The following MGAT4C variants were observed in gnomAD, a reference collection of about 807,000 sequenced individuals.
MGAT4C encodes MGAT4 family member C.
In MGAT4C, 19 loss-of-function variants were observed where a neutral mutation model predicts 40.1. The ratio of observed to expected loss-of-function variants is 0.47; its 90% CI spans 0.33 to 0.70. MGAT4C has a LOEUF of 0.70. Ranked by LOEUF, MGAT4C falls within the 30% of genes least tolerant of loss-of-function variation. The pLI, the probability that MGAT4C is intolerant of heterozygous loss-of-function variation, is 0.02. For synonymous variants in MGAT4C, 181 were observed against 187.1 expected (o/e 0.97, Z 0.27); for missense variants, 491 against 563.2 (o/e 0.87, Z 1.30).
rs5799763 is a variant in MGAT4C at position 85,957,657 on chromosome 12, C to CAAAAAAAAAAAAAAAAAGA, written c.*21631_*21632insTCTTTTTTTTTTTTTTTTT. 4.9e-5 allele frequency: 5 copies of CAAAAAAAAAAAAAAAAAGA among 101,250 alleles called. No individual in the cohort carries two copies. Among genetic ancestry groups the CAAAAAAAAAAAAAAAAAGA allele is most frequent in the Admixed American group, 1.1e-4 (1 of 9,394 alleles). The allele number at this position is 101,250 out of a possible 1,614,324, so 6.3% of individuals were successfully genotyped here. A position where few individuals can be genotyped will look rare whatever the true frequency, so the allele number is the denominator to read the frequency against. ...TTTACTGTAGAGTTGAATAAGAAAG[C>CAAAAAAAAAAAAAAAAAGA]AAAAAAAAAAAAAAAAGAAAAAAGA... On this transcript the variant is annotated 3_prime_UTR_variant, in exon 5 of 5. Coordinates refer to ENST00000611864, the MANE Select transcript of MGAT4C (RefSeq NM_001351288.2).
intron 1 of MGAT4C, among the ~76,000 whole-genome samples, chr12:86,815,729 A>G (rs985371813): frequency 2.0e-5 from 3 of 151,734 alleles, no homozygotes; most frequent in African/African-American, 7.2e-5. Flanking sequence ...GGGATTGGAG[A>G]CTATTACTCT....
chr12:86,376,454 A>AT (rs1955824099), intron 3 of MGAT4C, among the ~76,000 whole-genome samples: 1 of 152,058 alleles, frequency 6.6e-6, no homozygotes, highest in Non-Finnish European at 1.5e-5. Context: ...ATGAAATACA[A>AT]TTTTTTAGTC....
intron 1 of MGAT4C, among the ~76,000 whole-genome samples, chr12:86,807,114 T>C (rs1051086160): frequency 6.6e-6 from 1 of 152,024 alleles, no homozygotes; most frequent in Admixed American, 6.6e-5. Context: ...GTGGATATTA[T>C]TTAGTTTTTA....
rs201152383 is a variant in MGAT4C at position 86,419,138 on chromosome 12, A to C, written c.-120+16019T>G. On this transcript the variant is annotated intron_variant, in intron 3 of 7. Transcript: ENST00000548651. The stretch of plus-strand genomic sequence containing the variant: ...AAATATAACATTATTTCTCCCTCCA[A>C]CTTTTAAAATTTCATGATCTGTTAT... Among the ~76,000 whole-genome samples the C allele has an allele frequency of 4.6e-5, 7 of 152,206 alleles. No individual in the cohort carries two copies. In the East Asian group the frequency reaches 1.4e-3, roughly 29 times the overall value.
At chr12:86,004,707 T>C (rs1391094703) in intron 2 of MGAT4C, among the ~76,000 whole-genome samples, 1 of 152,192 alleles carries the variant, frequency 6.6e-6, no homozygotes, top group Non-Finnish European at 1.5e-5. Flanking sequence ...TGACAGTTTG[T>C]TGGTTCTTAA....
intron 4 of MGAT4C, among the ~76,000 whole-genome samples, chr12:86,297,554 C>T (rs1953711394): frequency 6.6e-6 from 1 of 152,066 alleles, no homozygotes; most frequent in Non-Finnish European, 1.5e-5. Context: ...TGAGTGTAGA[C>T]TTTCCAAATC....
intron 2 of MGAT4C, among the ~76,000 whole-genome samples, chr12:86,486,837 C>T (rs894577783): frequency 1.3e-4 from 20 of 152,128 alleles, no homozygotes; most frequent in Admixed American, 3.3e-4. Flanking sequence ...AGTGTTTTAA[C>T]GTCAGTCTGT....
In MGAT4C at chr12:86,466,642, C is replaced by G. The variant is rs150921878; in HGVS notation, c.-228-31377G>C. On this transcript the variant is annotated intron_variant, in intron 2 of 7. Coordinates refer to the MGAT4C transcript ENST00000548651. Reference sequence around the variant, plus strand: ...AGATGTCATCAAATATTTGTCTAAACCCAGAATATGCAACACAAAGTCAGA... The same window carrying G: ...AGATGTCATCAAATATTTGTCTAAAGCCAGAATATGCAACACAAAGTCAGA... Among the ~76,000 whole-genome samples the G allele has an allele frequency of 1.5e-3, 223 of 152,200 alleles. 1 individual carries two copies. Among genetic ancestry groups the G allele is most frequent in the Middle Eastern group, 6.8e-3 (2 of 294 alleles).
At chr12:86,600,212 A>G (rs9645781) in intron 2 of MGAT4C, among the ~76,000 whole-genome samples, 134,140 of 152,114 alleles carry the variant, frequency 0.88, 59,830 homozygotes, top group South Asian at 0.97. Context: ...GTTATGACAG[A>G]TGCTTTGTGG....
At chr12:86,578,033 C>G (rs945805381) in intron 2 of MGAT4C, among the ~76,000 whole-genome samples, 5 of 151,690 alleles carry the variant, frequency 3.3e-5, no homozygotes, top group African/African-American at 1.2e-4. Context: ...AACCTGTAAC[C>G]TGATTACCTC....
chr12:86,058,101 A>G (rs903359562), intron 1 of MGAT4C, among the ~76,000 whole-genome samples: 3 of 151,748 alleles, frequency 2.0e-5, no homozygotes, highest in Non-Finnish European at 2.9e-5. Context: ...AACACAGTGA[A>G]TATTTTTTGT....
chr12:86,428,288 T>G (rs982416594), intron 3 of MGAT4C, among the ~76,000 whole-genome samples: 2 of 152,246 alleles, frequency 1.3e-5, no homozygotes, highest in East Asian at 3.9e-4. Context: ...TGGCAGGTAA[T>G]ATAAGTAGGG....
At chr12:86,755,560 T>C (rs899779049) in intron 1 of MGAT4C, among the ~76,000 whole-genome samples, 2 of 151,844 alleles carry the variant, frequency 1.3e-5, no homozygotes, top group African/African-American at 4.8e-5. Context: ...TTCTTTTCTC[T>C]TTTTCTTTCT....
intron 2 of MGAT4C, among the ~76,000 whole-genome samples, chr12:86,610,036 C>G (rs530914084): frequency 1.3e-5 from 2 of 152,196 alleles, no homozygotes; most frequent in East Asian, 1.9e-4. Flanking sequence ...AAACAAGAAG[C>G]TTTGCTAAAA....
intron 2 of MGAT4C, among the ~76,000 whole-genome samples, chr12:86,651,168 C>G (rs956113747): frequency 6.6e-6 from 1 of 151,692 alleles, no homozygotes; most frequent in African/African-American, 2.4e-5. Flanking sequence ...TGCTATCCAC[C>G]TTTTACAAAA....
chr12:86,333,865 A>AAG (rs1954727592), intron 4 of MGAT4C, among the ~76,000 whole-genome samples: 1 of 152,206 alleles, frequency 6.6e-6, no homozygotes, highest in African/African-American at 2.4e-5. Flanking sequence ...TATCTTCTTC[A>AAG]GAGTTAAGTA....
chr12:86,189,774 G>GA (rs963427993), intron 1 of MGAT4C, among the ~76,000 whole-genome samples: 1 of 151,946 alleles, frequency 6.6e-6, no homozygotes, highest in Non-Finnish European at 1.5e-5. Flanking sequence ...TGAAGTTGTG[G>GA]AAAAACATGG....
At chr12:86,393,467 A>T (rs182378105) in intron 3 of MGAT4C, among the ~76,000 whole-genome samples, 5 of 152,174 alleles carry the variant, frequency 3.3e-5, no homozygotes, top group African/African-American at 1.2e-4. Flanking sequence ...GAGAGACAAA[A>T]TTTTTTTTCC....
intron 3 of MGAT4C, among the ~76,000 whole-genome samples, chr12:86,422,325 A>C (rs1200144913): frequency 6.6e-6 from 1 of 152,234 alleles, no homozygotes; most frequent in African/African-American, 2.4e-5. Context: ...AACTATAAGA[A>C]GTCCTGGATT....
Sources: gnomAD v4.1 joint callset for allele counts (sites outside exome capture counted in the v4.1 genomes callset) on GRCh38, gnomAD v4.1.1 for gene constraint, MANE v1.5 for transcripts, NCBI Gene and HGNC (gene_info 2026-07-23, HGNC 2026-07-21) for gene names.